USP43: variants seen among roughly 807,000 people sequenced by gnomAD.
The protein encoded by USP43 is ubiquitin specific peptidase 43.
A neutral mutation model predicts 90.7 loss-of-function variants in USP43; 33 were observed. The ratio of observed to expected loss-of-function variants is 0.36; its 90% CI spans 0.28 to 0.49. The LOEUF (loss-of-function observed/expected upper bound fraction) is 0.49. Ranked by LOEUF, USP43 falls within the 20% of genes least tolerant of loss-of-function variation. The pLI, the probability that USP43 is intolerant of heterozygous loss-of-function variation, is 0.98. For missense variants in USP43, 1,274 were observed against 1,476.4 expected (o/e 0.86, Z 2.25); for synonymous variants, 598 against 615.8 (o/e 0.97, Z 0.43).
intron 2 of USP43, among the ~76,000 whole-genome samples, chr17:9,665,740 A>T (rs1279826666): frequency 1.3e-5 from 2 of 152,186 alleles, no homozygotes; most frequent in African/African-American, 4.8e-5. Context: ...TAAATGCACT[A>T]CCAGTGTTCT....
At chr17:9,699,969 T>C (rs1915477066) in intron 9 of USP43, among the ~76,000 whole-genome samples, 1 of 152,172 alleles carries the variant, frequency 6.6e-6, no homozygotes, top group South Asian at 2.1e-4. Context: ...GGGGAGGCAC[T>C]GTGAGGTTGG....
chr17:9,708,597 G>A (rs1411708706), intron 12 of USP43, among the ~76,000 whole-genome samples: 3 of 152,162 alleles, frequency 2.0e-5, no homozygotes, highest in Non-Finnish European at 4.4e-5. Flanking sequence ...TGTGGCCCAC[G>A]GGCCGGATCC....
intron 13 of USP43, among the ~76,000 whole-genome samples, chr17:9,710,527 A>T (rs756928062): frequency 6.0e-4 from 47 of 77,912 alleles, no homozygotes; most frequent in Non-Finnish European, 7.6e-4. Context: ...TTTTTTTGAG[A>T]TGGAGTCTCG....
At chr17:9,688,178 G>A (rs917842778) in intron 8 of USP43, among the ~76,000 whole-genome samples, 3 of 151,276 alleles carry the variant, frequency 2.0e-5, no homozygotes, top group African/African-American at 4.9e-5. Flanking sequence ...TAGTAGAGAC[G>A]GGGTTTCACT....
Position 9,728,185 on chromosome 17 carries a change from C to G in USP43, c.2567C>G (p.Thr856Ser), listed in dbSNP as rs1200638481. The G allele has an allele frequency of 1.2e-6, 2 of 1,613,952 alleles. No homozygotes were observed. The highest frequency in any genetic ancestry group is 4.5e-5 in the East Asian group (2 of 44,874). Residue 856 changes from threonine (T) to serine (S), a missense_variant, in exon 15 of 15, where the codon ACT becomes AGT. Thr to Ser is a moderately conservative substitution (Grantham distance 58, BLOSUM62 1). Transcript: ENST00000285199. The surrounding 1 kb of genome is among the most constrained non-coding windows in gnomAD (Gnocchi z 6.2). ...SQSIVSLLTG[T>S]AGEDEKSASP... ...TCCATTGTGTCGCTGTTGACGGGCA[C>G]TGCGGGTGAGGATGAGAAGTCAGCA...
Position 9,728,436 on chromosome 17 carries a change from G to C in USP43, c.2818G>C (p.Glu940Gln). The C allele has an allele frequency of 6.2e-7, 1 of 1,611,940 alleles. No homozygotes were observed. The highest frequency in any genetic ancestry group is 1.1e-5 in the South Asian group (1 of 90,776). Residue 940 changes from glutamate to glutamine, a missense_variant, in exon 15 of 15, where the codon GAG (glutamate) becomes CAG (glutamine). Physicochemically the swap from Glu to Gln is conservative, Grantham distance 29. Coordinates refer to ENST00000285199, the MANE Select transcript of USP43 (RefSeq NM_153210.5). This position sits in a 1 kb window ranked among gnomAD's most constrained non-coding sequence, Gnocchi z 6.2. ...GCCTCTCACTGTGATGCCTTCAGTG[G>C]AGCATGAGAAACCAGCTCGACCGGA... The part of the protein sequence containing the change: ...DLPLTVMPSV[E>Q]HEKPARPEGQ...
chr17:9,725,502 G>T (rs1291608126), intron 14 of USP43, among the ~76,000 whole-genome samples: 1 of 152,160 alleles, frequency 6.6e-6, no homozygotes. Flanking sequence ...GAGCGTGGGG[G>T]CCTCTTATTC....
At position 9,701,297 on chromosome 17, in the gene USP43, G is replaced by C; in HGVS notation, c.1662+52G>C. 1.9e-6 allele frequency: 3 copies of C among 1,591,982 alleles called. No individual in the cohort carries two copies. The highest frequency in any genetic ancestry group is 2.3e-5 in the East Asian group (1 of 44,150). On this transcript the variant is annotated intron_variant, in intron 11 of 14. Transcript: ENST00000285199. The surrounding 1 kb of genome is among the most constrained non-coding windows in gnomAD (Gnocchi z 7.2). ...GCCGGGAAGGGGGCTGGCTGCCTTT[G>C]GTGGGTTGGCCACGTGCTGCGGGGG...
chr17:9,705,663 G>C (rs1051076597), intron 12 of USP43, among the ~76,000 whole-genome samples: 1 of 151,346 alleles, frequency 6.6e-6, no homozygotes, highest in Non-Finnish European at 1.5e-5. Context: ...GCTGAGGCAG[G>C]AGAACTGCTT....
At chr17:9,706,071 T>C (rs1275635662) in intron 12 of USP43, among the ~76,000 whole-genome samples, 1 of 152,204 alleles carries the variant, frequency 6.6e-6, no homozygotes, top group Non-Finnish European at 1.5e-5. Flanking sequence ...TCAGTGTAAG[T>C]TGAATATTTA....
At chr17:9,703,111 C>T (rs750232203) in intron 12 of USP43, among the ~76,000 whole-genome samples, 11 of 152,032 alleles carry the variant, frequency 7.2e-5, no homozygotes, top group Non-Finnish European at 1.2e-4. Flanking sequence ...TTCTCTGGGC[C>T]GAAAATAGCT....
At chr17:9,693,745 G>C (rs8080008) in intron 9 of USP43, among the ~76,000 whole-genome samples, 3,070 of 152,268 alleles carry the variant, frequency 0.02, 90 homozygotes, top group African/African-American at 0.069. Flanking sequence ...GGCTGAGGCA[G>C]GGGAATTGCT....
chr17:9,675,445 TG>T (rs1178049550), intron 4 of USP43, among the ~76,000 whole-genome samples: 2 of 151,388 alleles, frequency 1.3e-5, no homozygotes, highest in African/African-American at 4.9e-5. Context: ...AAAAGAAAAG[TG>T]GAGGTAGGGC....
intron 14 of USP43, among the ~76,000 whole-genome samples, chr17:9,714,702 TGAA>T (rs1340384089): frequency 8.6e-6 from 1 of 115,946 alleles, no homozygotes; most frequent in African/African-American, 3.5e-5. Flanking sequence ...AAAAAAAAAA[TGAA>T]GACCCGAGAC....
chr17:9,698,109 ATGTTTG>A (rs1452398494), intron 9 of USP43, among the ~76,000 whole-genome samples: 2 of 152,122 alleles, frequency 1.3e-5, no homozygotes, highest in Non-Finnish European at 2.9e-5. Flanking sequence ...AGCTTTTAAT[ATGTTTG>A]TTGGCCACTT....
chr17:9,658,456 A>G (rs1912416544), intron 2 of USP43, among the ~76,000 whole-genome samples: 2 of 152,220 alleles, frequency 1.3e-5, no homozygotes, highest in African/African-American at 2.4e-5. Flanking sequence ...TAAAGGACAG[A>G]GTCAGGATTC....
chr17:9,693,106 T>G (rs773691902), intron 8 of USP43, 21 bp from the exon 9 acceptor site: 2 of 1,595,002 alleles, frequency 1.3e-6, no homozygotes, highest in Admixed American at 3.4e-5. Context: ...TAATGATCCA[T>G]GTCTGTTTTT....
At chr17:9,707,553 A>C (rs1435634331) in intron 12 of USP43, among the ~76,000 whole-genome samples, 1 of 150,952 alleles carries the variant, frequency 6.6e-6, no homozygotes, top group East Asian at 2.0e-4. Flanking sequence ...AGGCTGAGGC[A>C]GGAGAATGGC....
chr17:9,676,409 A>T (rs989269812), intron 4 of USP43, among the ~76,000 whole-genome samples: 7 of 151,942 alleles, frequency 4.6e-5, no homozygotes, highest in Non-Finnish European at 7.4e-5. Flanking sequence ...TTGCTGTGTC[A>T]CCCAGGCTGG....
Sources: gnomAD v4.1 joint callset for allele counts (sites outside exome capture counted in the v4.1 genomes callset) on GRCh38, gnomAD v4.1.1 for gene constraint, Gnocchi (gnomAD v3.1) non-coding constraint, MANE v1.5 for transcripts, NCBI Gene and HGNC (gene_info 2026-07-23, HGNC 2026-07-21) for gene names.